The following LIN54 variants were observed in gnomAD, a reference collection of about 807,000 sequenced individuals.
The protein encoded by LIN54 is lin-54 DREAM MuvB core complex component.
Under a neutral mutation model 78.7 loss-of-function variants are expected in LIN54, and 9 were observed. The ratio of observed to expected loss-of-function variants is 0.11; its 90% confidence interval spans 0.07 to 0.20. The LOEUF is 0.20. LIN54 is among the 10% of genes least tolerant of loss of function. LIN54 has a pLI of 1.00. For synonymous variants in LIN54, 269 were observed against 318.4 expected, an observed-to-expected ratio of 0.84 and a Z score of 1.65; for missense variants, 573 against 889.9, an observed-to-expected ratio of 0.64 and a Z score of 4.53.
At position 82,924,935 on chromosome 4, in the gene LIN54, C is replaced by CTATT. The variant is rs1360713601; in HGVS notation, c.*3163_*3166dup. 1 of 152,602 alleles carries CTATT rather than the reference C, an allele frequency of 6.6e-6. No individual in the cohort carries two copies. The highest frequency in any genetic ancestry group is 2.4e-5 in the African/African-American group (1 of 41,436). 9.5% of individuals were successfully genotyped at this position (152,602 alleles called of 1,614,324 possible). A position where few individuals can be genotyped will look rare whatever the true frequency, so the allele number is the denominator to read the frequency against. ...ACATAACAAGTATTCATTTTCTTAA[C>CTATT]TATTTGTGTTACAGAACAATAAAAA... On this transcript the variant is annotated 3_prime_UTR_variant, in exon 13 of 13. Transcript: ENST00000340417.
chr4:82,992,812 A>G (rs1008870687), intron 1 of LIN54, among the ~76,000 whole-genome samples: 1 of 152,046 alleles, frequency 6.6e-6, no homozygotes, highest in African/African-American at 2.4e-5. Flanking sequence ...GTGGATCACG[A>G]GGTCAGGAGA....
At chr4:83,007,750 G>C (rs536402639) in intron 1 of LIN54, among the ~76,000 whole-genome samples, 1 of 151,916 alleles carries the variant, frequency 6.6e-6, no homozygotes, top group African/African-American at 2.4e-5. Flanking sequence ...TTAACCGAGC[G>C]TGGGGGCCCA....
intron 1 of LIN54, among the ~76,000 whole-genome samples, chr4:82,992,765 A>G (rs1402281425): frequency 6.6e-6 from 1 of 152,036 alleles, no homozygotes; most frequent in African/African-American, 2.4e-5. Flanking sequence ...GTGGTGGCTC[A>G]CGCCTGTAAT....
chr4:82,932,322 T>G (rs1378523281), intron 11 of LIN54, among the ~76,000 whole-genome samples: 1 of 150,818 alleles, frequency 6.6e-6, no homozygotes, highest in Non-Finnish European at 1.5e-5. Context: ...GGTCCCGACC[T>G]CCTGACCTCG....
chr4:82,984,808 G>C lies in LIN54; in HGVS notation c.37C>G (p.Pro13Ala), dbSNP rs1375299508. 6.2e-7 allele frequency: 1 copy of C among 1,613,158 alleles called. No individual in the cohort carries two copies. Among genetic ancestry groups the C allele is most frequent in the Non-Finnish European group, 8.5e-7 (1 of 1,179,886 alleles). ...VVPAEVNSLL[P>A]EEIMDTGITL... The stretch of plus-strand genomic sequence containing the variant: ...ATACCAGTGTCCATTATTTCCTCTG[G>C]AAGCAAACTATTCACCTCAGCTGGC... The change falls in exon 2 of 13, where the codon CCA becomes GCA. Residue 13 changes from proline (P) to alanine (A), a missense_variant. Physicochemically the swap from Pro to Ala is conservative, Grantham distance 27 (BLOSUM62 -1). This residue lies in a region of LIN54 where 183 missense variants were observed against 228.4 expected (regional missense o/e 0.80). Transcript: ENST00000340417.
intron 4 of LIN54, among the ~76,000 whole-genome samples, chr4:82,964,053 CTCCTT>C (rs1318201727): frequency 3.6e-4 from 42 of 115,256 alleles, no homozygotes; most frequent in African/African-American, 1.8e-3. Context: ...TCCTCCCTCC[CTCCTT>C]TTTTTTTTTT....
intron 2 of LIN54, among the ~76,000 whole-genome samples, chr4:82,982,546 A>G (rs551211903): frequency 6.6e-6 from 1 of 152,298 alleles, no homozygotes; most frequent in South Asian, 2.1e-4. Flanking sequence ...TTTCTTTTGA[A>G]CATAATTATG....
intron 11 of LIN54, among the ~76,000 whole-genome samples, chr4:82,932,343 G>A (rs1345593543): frequency 4.0e-5 from 6 of 150,666 alleles, no homozygotes; most frequent in South Asian, 2.1e-4. Context: ...TGATTCACCC[G>A]CCTCGGCCTC....
In LIN54 at chr4:82,925,397, T is replaced by C. The variant is rs1208275709; in HGVS notation, c.*2705A>G. On this transcript the variant is annotated 3_prime_UTR_variant, in exon 13 of 13. Coordinates refer to ENST00000340417, the MANE Select transcript of LIN54 (RefSeq NM_194282.4). Reference sequence around the variant, plus strand: ...TTTTAGTAGAGACAGGGTTTCACCATGTAGCCTGGGCTGGTCTAGAACTCC... The same window carrying C: ...TTTTAGTAGAGACAGGGTTTCACCACGTAGCCTGGGCTGGTCTAGAACTCC... 1 of 152,250 alleles carries C rather than the reference T, an allele frequency of 6.6e-6. No homozygotes were observed. The highest frequency in any genetic ancestry group is 1.9e-4 in the East Asian group (1 of 5,198). The allele number at this position is 152,250 out of a possible 1,614,324, so 9.4% of individuals were successfully genotyped here.
intron 1 of LIN54, among the ~76,000 whole-genome samples, chr4:82,991,820 A>G (rs1188342575): frequency 6.6e-6 from 1 of 152,206 alleles, no homozygotes; most frequent in Non-Finnish European, 1.5e-5. Context: ...CATTCCTGAT[A>G]TGAACCCCAC....
At chr4:82,983,912 G>A (rs187986154) in intron 2 of LIN54, among the ~76,000 whole-genome samples, 463 of 152,170 alleles carry the variant, frequency 3.0e-3, no homozygotes, top group Middle Eastern at 6.8e-3. Flanking sequence ...TTTAAAATTA[G>A]TAAAAGGCTA....
intron 2 of LIN54, among the ~76,000 whole-genome samples, chr4:82,979,966 A>AAAAAAAAAAAAAC (rs1726497562): frequency 1.4e-5 from 2 of 142,272 alleles, no homozygotes; most frequent in Non-Finnish European, 3.1e-5. Flanking sequence ...AAAAAAAAAA[A>AAAAAAAAAAAAAC]TACTGGGTCT....
At chr4:82,931,324 C>CT (rs1031560059) in intron 11 of LIN54, among the ~76,000 whole-genome samples, 179 bp from the exon 12 acceptor site, 3 of 152,164 alleles carry the variant, frequency 2.0e-5, no homozygotes, top group African/African-American at 7.2e-5. Flanking sequence ...GTTAGGTATT[C>CT]TTAAGTCTGA....
intron 4 of LIN54, among the ~76,000 whole-genome samples, chr4:82,965,523 G>A (rs1725130912): frequency 1.3e-5 from 2 of 152,184 alleles, no homozygotes; most frequent in African/African-American, 2.4e-5. Context: ...CACTTAATAG[G>A]TCTGCAGGTG....
chr4:82,949,502 T>C (rs1014000160), intron 4 of LIN54, among the ~76,000 whole-genome samples: 1 of 152,198 alleles, frequency 6.6e-6, no homozygotes, highest in Non-Finnish European at 1.5e-5. Flanking sequence ...GTTCATGTGA[T>C]TCTCCTGCCT....
chr4:82,951,220 C>T (rs1457671262), intron 4 of LIN54, among the ~76,000 whole-genome samples: 1 of 152,046 alleles, frequency 6.6e-6, no homozygotes, highest in Non-Finnish European at 1.5e-5. Flanking sequence ...ATTACATGAC[C>T]AATGACAGTG....
At position 82,998,515 on chromosome 4, in the gene LIN54, G is replaced by A. The variant is rs555707632; in HGVS notation, c.-33+11969C>T. ...CCGAGATAGCAGCTCCAACTCGGGC[G>A]ACGGTGCGAGACTCCGTCAGAGAAA... On this transcript the variant is annotated intron_variant, in intron 1 of 12. Coordinates refer to ENST00000340417, the MANE Select transcript of LIN54 (RefSeq NM_194282.4). Among the ~76,000 whole-genome samples the A allele has an allele frequency of 4.0e-4, 51 of 128,902 alleles. 1 individual carries two copies. Among genetic ancestry groups the A allele is most frequent in the East Asian group, 2.0e-3 (9 of 4,420 alleles). 84.6% of individuals were successfully genotyped at this position (128,902 alleles called of 152,430 possible).
intron 4 of LIN54, among the ~76,000 whole-genome samples, chr4:82,967,947 G>A (rs1014841688): frequency 2.6e-5 from 4 of 152,110 alleles, no homozygotes; most frequent in Admixed American, 1.3e-4. Flanking sequence ...GATCTCACCT[G>A]AACGATAGAT....
intron 1 of LIN54, among the ~76,000 whole-genome samples, chr4:82,989,557 C>T (rs1412657313): frequency 6.6e-6 from 1 of 152,122 alleles, no homozygotes; most frequent in African/African-American, 2.4e-5. Context: ...CCAACAGAAC[C>T]ATAAAAGTTT....
Sources: allele counts gnomAD v4.1 joint callset (sites outside exome capture counted in the v4.1 genomes callset), GRCh38; gene constraint gnomAD v4.1.1; regional missense constraint gnomAD v4.1.1; transcripts MANE v1.5; gene names NCBI Gene and HGNC (gene_info 2026-07-23, HGNC 2026-07-21).